Variants in DENND4A observed in about 807,000 individuals in gnomAD.
DENND4A encodes the protein DENN domain containing 4A, also known as C-myc promoter-binding protein.
A neutral mutation model predicts 199.3 loss-of-function variants in DENND4A; 70 were observed. The ratio of observed to expected loss-of-function variants is 0.35; its 90% CI spans 0.29 to 0.43. DENND4A has a LOEUF of 0.43. DENND4A is among the 20% of genes least tolerant of loss of function. The pLI is 1.00. For missense variants in DENND4A, 1,723 were observed against 2,255.8 expected (o/e 0.76, Z 4.78); for synonymous variants, 686 against 766.9 (o/e 0.89, Z 1.74).
intron 11 of DENND4A, chr15:65,725,992 G>A (rs1289574097): frequency 1.3e-5 from 2 of 152,140 alleles, no homozygotes; most frequent in Non-Finnish European, 2.9e-5. Flanking sequence ...CACCGGTTTG[G>A]GAGGGTGGTA....
In DENND4A at chr15:65,711,485, C is replaced by T. The variant is rs534038208; in HGVS notation, c.1953+3993G>A. ...TCCAGCCTGGGTGACAGAGAGAGGCCCTGCCTCAAAAATAAAAAATAATAA... is the reference window on the plus strand; with the variant it reads ...TCCAGCCTGGGTGACAGAGAGAGGCTCTGCCTCAAAAATAAAAAATAATAA... On this transcript the variant is annotated intron_variant, in intron 14 of 32. Transcript: ENST00000443035. Among the ~76,000 whole-genome samples the T allele has an allele frequency of 1.6e-3, 249 of 151,990 alleles. 1 individual carries two copies. The highest frequency in any genetic ancestry group is 5.9e-3 in the African/African-American group (245 of 41,448).
chr15:65,777,573 G>T (rs898266104), intron 1 of DENND4A, among the ~76,000 whole-genome samples: 12 of 151,906 alleles, frequency 7.9e-5, no homozygotes, highest in African/African-American at 2.9e-4. Flanking sequence ...GGCTGGCCTC[G>T]AACTGCTGAT....
At chr15:65,730,572 CATAG>C (rs1427693505) in intron 9 of DENND4A, among the ~76,000 whole-genome samples, 3 of 152,112 alleles carry the variant, frequency 2.0e-5, no homozygotes, top group Admixed American at 1.3e-4. Flanking sequence ...CATGAGGCAA[CATAG>C]ATAGACCTTG....
chr15:65,667,812 A>G, intron 28 of DENND4A, 109 bp from the exon 29 acceptor site: 2 of 1,487,350 alleles, frequency 1.3e-6, no homozygotes, highest in South Asian at 1.2e-5. Context: ...GTATCATGGG[A>G]TAAGAGACTC....
intron 15 of DENND4A, 65 bp from the exon 16 acceptor site, chr15:65,703,073 G>A: frequency 1.4e-6 from 2 of 1,453,478 alleles, no homozygotes; most frequent in Admixed American, 2.1e-5. Flanking sequence ...GATCATAGTG[G>A]TTACAGGTTA....
chr15:65,772,292 AT>A (rs1356254520), intron 1 of DENND4A, among the ~76,000 whole-genome samples: 1 of 152,200 alleles, frequency 6.6e-6, no homozygotes, highest in Non-Finnish European at 1.5e-5. Flanking sequence ...TGAAATGGAC[AT>A]GTATCAGTTT....
In DENND4A at chr15:65,691,237, C is replaced by A. The variant is rs758998379; in HGVS notation, c.3357G>T (p.Thr1119=). ...TCCCAATATCAAGAGTATTTGGTCT[C>A]GTGCTTTTTGAGATAACATTTGAAA... ...KILSNVISKS[T]RPNTLDIGKP... Residue 1119 remains threonine, a synonymous_variant, in exon 23 of 33, where the codon ACG becomes ACT. Coordinates refer to ENST00000443035, the MANE Select transcript of DENND4A (RefSeq NM_001320835.1). 1 of 1,613,266 alleles carries A rather than the reference C, an allele frequency of 6.2e-7. No individual in the cohort carries two copies.
chr15:65,719,844 G>A (rs768258951), intron 12 of DENND4A, among the ~76,000 whole-genome samples: 7 of 151,900 alleles, frequency 4.6e-5, no homozygotes, highest in Non-Finnish European at 7.4e-5. Flanking sequence ...GCCATAAACC[G>A]TGATCGCGCC....
chr15:65,738,003 T>C, intron 6 of DENND4A, 58 bp from the exon 7 acceptor site: 4 of 1,472,598 alleles, frequency 2.7e-6, no homozygotes, highest in African/African-American at 1.4e-5. Flanking sequence ...CCAAATCACA[T>C]CATCAGTTAA....
intron 23 of DENND4A, among the ~76,000 whole-genome samples, chr15:65,682,958 A>G (rs1331221041): frequency 6.6e-6 from 1 of 152,204 alleles, no homozygotes; most frequent in Non-Finnish European, 1.5e-5. Flanking sequence ...TGGTGTCTCA[A>G]AACTATTACA....
intron 22 of DENND4A, among the ~76,000 whole-genome samples, chr15:65,694,826 A>G (rs546555340): frequency 6.6e-6 from 1 of 152,298 alleles, no homozygotes; most frequent in Non-Finnish European, 1.5e-5. Flanking sequence ...CTTTTATAAA[A>G]TTCACTTGTT....
At chr15:65,744,524 T>C (rs2076337823) in intron 4 of DENND4A, among the ~76,000 whole-genome samples, 1 of 152,102 alleles carries the variant, frequency 6.6e-6, no homozygotes, top group Admixed American at 6.5e-5. Flanking sequence ...TTCACCATTT[T>C]ACATATAATA....
Position 65,690,411 on chromosome 15 carries a change from T to C in DENND4A, c.4179+4A>G. On this transcript the variant is annotated splice_donor_region_variant and intron_variant, in intron 23 of 32. Coordinates refer to ENST00000443035, the MANE Select transcript of DENND4A (RefSeq NM_001320835.1). ...TAAAAGTAGCAAATACTAACCAAAC[T>C]TACCTTAGATGATGTGGTGTACATG... 6.4e-7 allele frequency: 1 copy of C among 1,551,184 alleles called. No individual in the cohort carries two copies. The highest frequency in any genetic ancestry group is 8.7e-7 in the Non-Finnish European group (1 of 1,149,836).
At chr15:65,739,312 G>A (rs1384240101) in intron 5 of DENND4A, among the ~76,000 whole-genome samples, 2 of 151,972 alleles carry the variant, frequency 1.3e-5, no homozygotes, top group African/African-American at 4.8e-5. Context: ...TTAATTTCTA[G>A]CACAAATACA....
rs182394943 is a variant in DENND4A at position 65,787,017 on chromosome 15, T to C, written c.-102+4993A>G. ...CTCTTTTAGAATTCAATGTGATAAC[T>C]ATGATATAAATAGTTATTTTAAATT... On this transcript the variant is annotated intron_variant, in intron 1 of 32. Coordinates refer to ENST00000443035, the MANE Select transcript of DENND4A (RefSeq NM_001320835.1). Among the ~76,000 whole-genome samples, 9 of 152,328 alleles carry C rather than the reference T, an allele frequency of 5.9e-5. No homozygotes were observed. The East Asian group carries it at 1.7e-3, about 29-fold the overall frequency.
chr15:65,778,955 T>C (rs1488093183), intron 1 of DENND4A, among the ~76,000 whole-genome samples: 1 of 148,186 alleles, frequency 6.7e-6, no homozygotes, highest in Non-Finnish European at 1.5e-5. Context: ...TGCAATTAAA[T>C]ACTGACTGCT....
intron 3 of DENND4A, among the ~76,000 whole-genome samples, chr15:65,753,271 G>GT (rs2076614297): frequency 6.6e-6 from 1 of 152,110 alleles, no homozygotes; most frequent in Non-Finnish European, 1.5e-5. Context: ...AATAACATTA[G>GT]TTTATTCCCT....
chr15:65,709,785 T>C (rs1192357313), intron 14 of DENND4A, among the ~76,000 whole-genome samples: 1 of 147,422 alleles, frequency 6.8e-6, no homozygotes, highest in Non-Finnish European at 1.5e-5. Context: ...TCTTGAATTA[T>C]AACAAAGCAA....
intron 23 of DENND4A, among the ~76,000 whole-genome samples, chr15:65,688,864 A>G (rs1596443839): frequency 6.6e-6 from 1 of 152,166 alleles, no homozygotes; most frequent in East Asian, 1.9e-4. Flanking sequence ...CAGAGTCCTT[A>G]GTTGTTTTTT....
Sources: gnomAD v4.1 joint callset for allele counts (sites outside exome capture counted in the v4.1 genomes callset) on GRCh38, gnomAD v4.1.1 for gene constraint, MANE v1.5 for transcripts, NCBI Gene and HGNC (gene_info 2026-07-23, HGNC 2026-07-21) for gene names.